The following CELF5 variants were observed in gnomAD, a reference collection of about 807,000 sequenced individuals.
The protein encoded by CELF5 is CUGBP Elav-like family member 5.
Under a neutral mutation model 54.9 loss-of-function variants are expected in CELF5, and 6 were observed. The ratio of observed to expected loss-of-function variants is 0.11; its 90% CI spans 0.06 to 0.22. The LOEUF (loss-of-function observed/expected upper bound fraction) is 0.22, where lower values mean the gene tolerates loss of function less well. Among genes scored for constraint, CELF5 ranks in the 10% least tolerant of loss-of-function variants. CELF5 has a pLI of 1.00. For synonymous variants in CELF5, 271 were observed against 290.9 expected (o/e 0.93, Z 0.70); for missense variants, 401 against 678.6 (o/e 0.59, Z 4.54).
At chr19:3,259,475 G>C (rs981799349) in intron 2 of CELF5, among the ~76,000 whole-genome samples, 6 of 150,762 alleles carry the variant, frequency 4.0e-5, no homozygotes, top group Admixed American at 6.6e-5. Context: ...CATTACTTTG[G>C]GGAAAAAGTT....
intron 2 of CELF5, among the ~76,000 whole-genome samples, chr19:3,253,848 C>T (rs2079683439): frequency 6.6e-6 from 1 of 152,158 alleles, no homozygotes; most frequent in African/African-American, 2.4e-5. Flanking sequence ...CCAGAGAAAT[C>T]TGTACATAGA....
chr19:3,241,527 A>G (rs1414210350), intron 1 of CELF5, among the ~76,000 whole-genome samples: 1 of 151,614 alleles, frequency 6.6e-6, no homozygotes, highest in African/African-American at 2.4e-5. Context: ...GCAAGGCTGC[A>G]CACCTGCCTC....
intron 3 of CELF5, among the ~76,000 whole-genome samples, chr19:3,274,133 G>C (rs1208719565): frequency 1.3e-5 from 2 of 149,358 alleles, no homozygotes; most frequent in East Asian, 4.2e-4. Flanking sequence ...GAGCAGAAGG[G>C]GCTATGTCCA....
intron 2 of CELF5, among the ~76,000 whole-genome samples, chr19:3,269,722 G>T (rs543289347): frequency 1.3e-5 from 2 of 152,304 alleles, no homozygotes; most frequent in African/African-American, 4.8e-5. Context: ...AGGACCCCTT[G>T]GTTGGAGGGA....
At chr19:3,226,775 T>G (rs1916945612) in intron 1 of CELF5, among the ~76,000 whole-genome samples, 1 of 151,592 alleles carries the variant, frequency 6.6e-6, no homozygotes, top group African/African-American at 2.4e-5. Context: ...ATCTTTTTTT[T>G]TTTTTCCTTC....
intron 1 of CELF5, among the ~76,000 whole-genome samples, chr19:3,243,457 T>A (rs915257062): frequency 2.6e-5 from 4 of 152,232 alleles, no homozygotes; most frequent in African/African-American, 9.6e-5. Flanking sequence ...ATTTTTAAAA[T>A]TATTTGCAGA....
At chr19:3,296,348 A>C (rs1368275165) in intron 12 of CELF5, 12 of 148,938 alleles carry the variant, frequency 8.1e-5, no homozygotes, top group Non-Finnish European at 1.5e-4. Context: ...AAAAAAAAAA[A>C]AAAAAAACCA....
At chr19:3,265,044 T>C (rs2079862250) in intron 2 of CELF5, among the ~76,000 whole-genome samples, 1 of 152,142 alleles carries the variant, frequency 6.6e-6, no homozygotes, top group Non-Finnish European at 1.5e-5. Context: ...TGACGAGATT[T>C]ATCTATGGAA....
chr19:3,238,130 G>A (rs1378105911), intron 1 of CELF5, among the ~76,000 whole-genome samples: 1 of 152,164 alleles, frequency 6.6e-6, no homozygotes, highest in Non-Finnish European at 1.5e-5. Flanking sequence ...AAGGCAGATG[G>A]ATCATTTGAG....
intron 2 of CELF5, among the ~76,000 whole-genome samples, chr19:3,254,746 C>T (rs1408275206): frequency 6.6e-6 from 1 of 151,560 alleles, no homozygotes; most frequent in Admixed American, 6.6e-5. Context: ...ACTCACTCAT[C>T]TATCCACCCA....
intron 12 of CELF5, chr19:3,296,349 A>C (rs908850078): frequency 3.4e-5 from 5 of 149,104 alleles, no homozygotes; most frequent in African/African-American, 7.4e-5. Flanking sequence ...AAAAAAAAAA[A>C]AAAAAACCAA....
chr19:3,270,808 C>T (rs1055322017), intron 2 of CELF5: 2 of 152,354 alleles, frequency 1.3e-5, no homozygotes, highest in African/African-American at 2.4e-5. Flanking sequence ...GGCCGACCCT[C>T]TCCCCGAGCT....
At chr19:3,245,091 C>T (rs1568335177) in intron 1 of CELF5, among the ~76,000 whole-genome samples, 2 of 105,080 alleles carry the variant, frequency 1.9e-5, no homozygotes, top group African/African-American at 7.7e-5. Context: ...GTGTGTGTAG[C>T]GTTTGGTGTG....
chr19:3,271,942 A>G (rs1244733003), intron 2 of CELF5, among the ~76,000 whole-genome samples: 1 of 152,134 alleles, frequency 6.6e-6, no homozygotes, highest in African/African-American at 2.4e-5. Context: ...GAAACTCTTC[A>G]CTCACCATGG....
Position 3,285,905 on chromosome 19 carries a change from C to G in CELF5, c.1103-37C>G, listed in dbSNP as rs760414817. 3 of 1,495,338 alleles carry G rather than the reference C, an allele frequency of 2.0e-6. No homozygotes were observed. In the African/African-American group the frequency reaches 4.4e-5, roughly 22 times the overall value. The allele number at this position is 1,495,338 out of a possible 1,614,324, so 92.6% of individuals were successfully genotyped here. ...CCCAGGCCGCCCACGTGGCCTCACGCCCCTCCTCGCCCTGTGTCTCGCTCC... is the reference window on the plus strand; with the variant it reads ...CCCAGGCCGCCCACGTGGCCTCACGGCCCTCCTCGCCCTGTGTCTCGCTCC... On this transcript the variant is annotated intron_variant, in intron 9 of 12. Transcript: ENST00000292672.
At position 3,290,264 on chromosome 19, in the gene CELF5, T is replaced by TC; in HGVS notation, c.1225dup (p.Gln409ProfsTer41). The TC allele has an allele frequency of 6.2e-7, 1 of 1,613,584 alleles. No individual in the cohort carries two copies. Among genetic ancestry groups the TC allele is most frequent in the Non-Finnish European group, 8.5e-7 (1 of 1,179,782 alleles). On this transcript the variant is annotated frameshift_variant, in exon 11 of 13. Transcript: ENST00000292672. LOFTEE classifies it high-confidence loss of function. ...GGCTGTAACCTGTTTATCTACCACC[T>TC]CCCCCAGGAGTTTGGAGACACGGAG...
At chr19:3,263,652 C>A (rs140923327) in intron 2 of CELF5, among the ~76,000 whole-genome samples, 3 of 152,248 alleles carry the variant, frequency 2.0e-5, no homozygotes, top group African/African-American at 7.2e-5. Context: ...CGCCTGTAAT[C>A]CCCGCACTTT....
Position 3,290,285 on chromosome 19 carries a change from C to T in CELF5, c.1241C>T (p.Thr414Met), listed in dbSNP as rs1473267287. The T allele has an allele frequency of 1.9e-6, 3 of 1,613,754 alleles. No individual in the cohort carries two copies. Among genetic ancestry groups the T allele is most frequent in the South Asian group, 2.2e-5 (2 of 91,072 alleles). The stretch of plus-strand genomic sequence containing the variant: ...CACCTCCCCCAGGAGTTTGGAGACA[C>T]GGAGCTGACGCAGATGTTCCTACCC... Reference protein sequence around the residue: ...IYHLPQEFGDTELTQMFLPFG... With the variant: ...IYHLPQEFGDMELTQMFLPFG... The change falls in exon 11 of 13, where the codon ACG becomes ATG. Residue 414 changes from threonine to methionine, a missense_variant. Physicochemically the swap from Thr to Met is moderately conservative, Grantham distance 81. This residue lies in a region of CELF5 where 59 missense variants were observed against 128.8 expected (regional missense o/e 0.46). Coordinates refer to ENST00000292672, the MANE Select transcript of CELF5 (RefSeq NM_021938.4).
At chr19:3,246,336 C>A (rs1376464976) in intron 1 of CELF5, among the ~76,000 whole-genome samples, 2 of 151,310 alleles carry the variant, frequency 1.3e-5, no homozygotes, top group African/African-American at 4.9e-5. Flanking sequence ...TGCACTCCAG[C>A]CTGGGCGATA....
Sources: gnomAD v4.1 joint callset for allele counts (sites outside exome capture counted in the v4.1 genomes callset) on GRCh38, gnomAD v4.1.1 for gene constraint, gnomAD v4.1.1 regional missense constraint, MANE v1.5 for transcripts, NCBI Gene and HGNC (gene_info 2026-07-23, HGNC 2026-07-21) for gene names.